The following PCDH11X variants were observed in gnomAD, a reference collection of about 807,000 sequenced individuals.
PCDH11X encodes the protein protocadherin-11 X-linked.
PCDH11X carries 18 observed loss-of-function variants against 53.3 expected under a neutral mutation model. The ratio of observed to expected loss-of-function variants is 0.34; its 90% CI spans 0.23 to 0.50. The LOEUF (loss-of-function observed/expected upper bound fraction) is 0.50. Ranked by LOEUF, PCDH11X falls within the 20% of genes least tolerant of loss-of-function variation. The pLI is 0.98. For synonymous variants in PCDH11X, 279 were observed against 393.3 expected (o/e 0.71, Z 3.44); for missense variants, 570 against 1,032.4 (o/e 0.55, Z 6.14).
At chrX:92,274,396 G>A (rs2068032018) in intron 8 of PCDH11X, among the ~76,000 whole-genome samples, 1 of 110,680 alleles carries the variant, frequency 9.0e-6, no homozygotes, top group African/African-American at 3.3e-5. Context: ...ATAAAGGCTG[G>A]TCTGTTATCA....
intron 5 of PCDH11X, among the ~76,000 whole-genome samples, chrX:91,837,058 A>G (rs1602330781): frequency 9.4e-6 from 1 of 106,886 alleles, no homozygotes; most frequent in African/African-American, 3.4e-5. Flanking sequence ...TATGATCTAT[A>G]TAATAACTAG....
chrX:91,997,757 C>T (rs973435330), intron 6 of PCDH11X, among the ~76,000 whole-genome samples: 1 of 111,143 alleles, frequency 9.0e-6, no homozygotes, highest in Admixed American at 9.6e-5. Context: ...TCTCTCCTCT[C>T]TTCAGTTTTT....
chrX:92,504,795 C>T (rs2074020850), intron 10 of PCDH11X, among the ~76,000 whole-genome samples: 1 of 111,626 alleles, frequency 9.0e-6, no homozygotes, highest in African/African-American at 3.2e-5. Context: ...TTCTCTGCAG[C>T]CTTTCAAGCA....
chrX:91,810,699 A>G (rs1452316657), intron 3 of PCDH11X, 121 bp downstream of exon 3: 2 of 112,170 alleles, frequency 1.8e-5, no homozygotes, highest in Non-Finnish European at 3.8e-5. Flanking sequence ...TTTGAAATAG[A>G]TATGTAGGTA....
intron 10 of PCDH11X, among the ~76,000 whole-genome samples, chrX:92,484,277 A>G (rs1371078607): frequency 1.0e-5 from 1 of 97,730 alleles, no homozygotes; most frequent in African/African-American, 3.9e-5. Flanking sequence ...ATGTGTATGT[A>G]TATATATGTA....
chrX:91,829,001 T>G (rs1937017285), intron 4 of PCDH11X, among the ~76,000 whole-genome samples: 1 of 109,958 alleles, frequency 9.1e-6, no homozygotes, highest in Non-Finnish European at 1.9e-5. Flanking sequence ...ATTTGATAAT[T>G]TAGACCCCAA....
intron 6 of PCDH11X, among the ~76,000 whole-genome samples, chrX:91,891,104 T>C (rs1940455951): frequency 9.1e-6 from 1 of 109,600 alleles, no homozygotes; most frequent in African/African-American, 3.3e-5. Context: ...TTTAAAATAT[T>C]GTTTTGGCTT....
chrX:92,594,846 T>A (rs1445525075), intron 10 of PCDH11X, among the ~76,000 whole-genome samples: 1 of 87,291 alleles, frequency 1.1e-5, no homozygotes. Context: ...TTGCTATTTT[T>A]TTTGTTTGTT....
chrX:92,323,605 G>A (rs2069261430), intron 8 of PCDH11X, among the ~76,000 whole-genome samples: 1 of 108,872 alleles, frequency 9.2e-6, no homozygotes, highest in South Asian at 4.0e-4. Context: ...TAAGTTTTAG[G>A]GTACATGTGC....
chrX:92,249,794 T>C (rs2067422894), intron 7 of PCDH11X, among the ~76,000 whole-genome samples: 1 of 111,806 alleles, frequency 8.9e-6, no homozygotes, highest in Non-Finnish European at 1.9e-5. Context: ...TATAGTACTT[T>C]ATATAATCTG....
chrX:92,523,494 C>T (rs748449743), intron 10 of PCDH11X, among the ~76,000 whole-genome samples: 3 of 111,948 alleles, frequency 2.7e-5, no homozygotes, highest in South Asian at 3.7e-4. Context: ...TGTTGAATGA[C>T]GATTGAAATT....
intron 6 of PCDH11X, among the ~76,000 whole-genome samples, chrX:91,992,742 A>T (rs1365922252): frequency 4.7e-5 from 5 of 106,556 alleles, no homozygotes; most frequent in African/African-American, 1.0e-4. Context: ...CTTGAGAAAG[A>T]TTATCTTGTT....
intron 6 of PCDH11X, among the ~76,000 whole-genome samples, chrX:92,030,961 C>T (rs2063039910): frequency 9.2e-6 from 1 of 108,327 alleles, no homozygotes; most frequent in Admixed American, 1.0e-4. Flanking sequence ...GTGCAGATAT[C>T]ACTTCATTAT....
At chrX:92,434,440 G>T (rs994793112) in intron 9 of PCDH11X, among the ~76,000 whole-genome samples, 10 of 109,995 alleles carry the variant, frequency 9.1e-5, no homozygotes, top group African/African-American at 3.3e-4. Flanking sequence ...TACTCATAAT[G>T]AATTAAATTT....
intron 8 of PCDH11X, among the ~76,000 whole-genome samples, chrX:92,307,157 T>C (rs1195558185): frequency 9.0e-6 from 1 of 110,989 alleles, no homozygotes; most frequent in Non-Finnish European, 1.9e-5. Context: ...AAAAAGACAC[T>C]GAGGAAAGAA....
intron 5 of PCDH11X, among the ~76,000 whole-genome samples, chrX:91,876,331 C>G (rs1939613922): frequency 9.1e-6 from 1 of 109,872 alleles, no homozygotes; most frequent in South Asian, 3.9e-4. Flanking sequence ...CTCATGTAAC[C>G]AAATACCACC....
At chrX:91,971,488 G>T (rs2061959678) in intron 6 of PCDH11X, among the ~76,000 whole-genome samples, 1 of 109,455 alleles carries the variant, frequency 9.1e-6, no homozygotes, top group South Asian at 4.0e-4. Context: ...AAGATAAATT[G>T]TTCACTGAGG....
intron 6 of PCDH11X, among the ~76,000 whole-genome samples, chrX:92,020,759 G>T: frequency 9.0e-6 from 1 of 110,723 alleles, no homozygotes; most frequent in Admixed American, 9.6e-5. Flanking sequence ...CTCCAGAAGG[G>T]GTTGTCAGAC....
intron 6 of PCDH11X, among the ~76,000 whole-genome samples, chrX:91,976,882 T>C (rs1171620685): frequency 8.9e-6 from 1 of 112,137 alleles, no homozygotes; most frequent in Admixed American, 9.5e-5. Flanking sequence ...CCATATTACC[T>C]CTGTAATTAT....
Sources: allele counts gnomAD v4.1 joint callset (sites outside exome capture counted in the v4.1 genomes callset), GRCh38; gene constraint gnomAD v4.1.1; transcripts MANE v1.5; gene names NCBI Gene and HGNC (gene_info 2026-07-23, HGNC 2026-07-21).